Variants in NR3C1 observed in about 807,000 individuals in gnomAD.
NR3C1 encodes glucocorticoid receptor.
NR3C1 carries 14 observed loss-of-function variants against 74.0 expected under a neutral mutation model. The observed-to-expected ratio is 0.19, with a 90% CI of 0.12 to 0.30. The LOEUF (loss-of-function observed/expected upper bound fraction) is 0.30. Ranked by LOEUF, NR3C1 falls within the 10% of genes least tolerant of loss-of-function variation. The probability of loss-of-function intolerance (pLI) is 1.00; values close to 1 mark genes in which losing one functional copy is unlikely to be tolerated. For missense variants in NR3C1, 695 were observed against 909.8 expected, an observed-to-expected ratio of 0.76 and a Z score of 3.04; for synonymous variants, 308 against 332.5, an observed-to-expected ratio of 0.93 and a Z score of 0.80.
At chr5:143,371,572 T>C (rs1465537437) in intron 2 of NR3C1, among the ~76,000 whole-genome samples, 1 of 152,172 alleles carries the variant, frequency 6.6e-6, no homozygotes, top group African/African-American at 2.4e-5. Flanking sequence ...CAAAAAAGTA[T>C]AAAGCAAAAA....
chr5:143,279,404 A>G lies in NR3C1; in HGVS notation c.*2485T>C, dbSNP rs1393020072. ...AGATGTGCTTTCTGGTTTTAACCAC[A>G]TAACATTCTATAAAGGAATGATAAT... On this transcript the variant is annotated 3_prime_UTR_variant, in exon 9 of 9. Transcript: ENST00000394464. 1.3e-6 allele frequency: 2 copies of G among 1,539,548 alleles called. No individual in the cohort carries two copies. The highest frequency in any genetic ancestry group is 2.4e-5 in the East Asian group (1 of 40,876).
chr5:143,280,275 TAATA>T lies in NR3C1; in HGVS notation c.*1610_*1613del, dbSNP rs1368766834. ...TATACAAGCTATTTTACAATCATTTTAATAAATTGCATGTAAAGCTGCAGTAGCC... is the reference window on the plus strand; with the variant it reads ...TATACAAGCTATTTTACAATCATTTTAATTGCATGTAAAGCTGCAGTAGCC... On this transcript the variant is annotated 3_prime_UTR_variant, in exon 9 of 9. Transcript: ENST00000394464. 1 of 152,640 alleles carries T rather than the reference TAATA, an allele frequency of 6.6e-6. No individual in the cohort carries two copies. The highest frequency in any genetic ancestry group is 2.4e-5 in the African/African-American group (1 of 41,456). 9.5% of individuals were successfully genotyped at this position (152,640 alleles called of 1,614,324 possible). A position where few individuals can be genotyped will look rare whatever the true frequency, so the allele number is the denominator to read the frequency against.
intron 2 of NR3C1, among the ~76,000 whole-genome samples, chr5:143,315,736 T>C (rs145897891): frequency 6.6e-4 from 101 of 152,326 alleles, no homozygotes; most frequent in Middle Eastern, 6.8e-3. Context: ...TCAAGTAATG[T>C]AGTTTGTTGC....
rs762597404 is a variant in NR3C1 at position 143,400,491 on chromosome 5, T to C, written c.349A>G (p.Thr117Ala). The C allele has an allele frequency of 3.1e-6, 5 of 1,614,112 alleles. No homozygotes were observed. Among genetic ancestry groups the C allele is most frequent in the Middle Eastern group, 1.6e-4 (1 of 6,084 alleles). ...CTTTCTTCCAAAAGCTTTAAGTCTG[T>C]TTCCCCCGAGGAAAGGCTGATTTGG... ...QGQISLSSGE[T>A]DLKLLEESIA... Residue 117 changes from threonine (T) to alanine (A), a missense_variant, in exon 2 of 9, where the codon ACA becomes GCA. By Grantham distance (58) the Thr-to-Ala change is moderately conservative. Coordinates refer to ENST00000394464, the MANE Select transcript of NR3C1 (RefSeq NM_000176.3).
At chr5:143,359,313 AT>A (rs1831793829) in intron 2 of NR3C1, among the ~76,000 whole-genome samples, 1 of 152,218 alleles carries the variant, frequency 6.6e-6, no homozygotes, top group Non-Finnish European at 1.5e-5. Flanking sequence ...TCCAGTCAGT[AT>A]GGCTTTCTCA....
chr5:143,303,975 G>A lies in NR3C1; in HGVS notation c.1469-3212C>T, dbSNP rs114857730. Among the ~76,000 whole-genome samples the A allele has an allele frequency of 3.6e-3, 541 of 152,072 alleles. 3 individuals are homozygous for A. Among genetic ancestry groups the A allele is most frequent in the Non-Finnish European group, 6.2e-3 (419 of 67,972 alleles). On this transcript the variant is annotated intron_variant, in intron 4 of 8. Transcript: ENST00000394464. The stretch of plus-strand genomic sequence containing the variant: ...CCAACAGCCAACATCATACCAAATG[G>A]GCAAAAGCTGGAAGCATTCCCCTTA...
At chr5:143,283,298 A>G (rs1370833401) in intron 7 of NR3C1, among the ~76,000 whole-genome samples, 2 of 152,252 alleles carry the variant, frequency 1.3e-5, no homozygotes, top group African/African-American at 2.4e-5. Context: ...CCAAGAGAAA[A>G]TGCAGGATAA....
intron 1 of NR3C1, among the ~76,000 whole-genome samples, chr5:143,422,152 T>C (rs1434227949): frequency 1.3e-5 from 2 of 152,224 alleles, no homozygotes; most frequent in African/African-American, 4.8e-5. Context: ...TCCCCATCTT[T>C]ACCTTCCATA....
intron 2 of NR3C1, among the ~76,000 whole-genome samples, chr5:143,315,624 A>G (rs1821916004): frequency 6.6e-6 from 1 of 152,178 alleles, no homozygotes; most frequent in Non-Finnish European, 1.5e-5. Flanking sequence ...TTCAGCCAAT[A>G]ACAGTAGTAA....
Position 143,281,245 on chromosome 5 carries a change from A to AGAGT in NR3C1, c.*640_*643dup. On this transcript the variant is annotated 3_prime_UTR_variant, in exon 9 of 9. Coordinates refer to ENST00000394464, the MANE Select transcript of NR3C1 (RefSeq NM_000176.3). ...TCACACAGATGATTGATTAATGTTT[A>AGAGT]GAGTTTATTTGGGAAAGCTACGAAC... 1 of 150,250 alleles carries AGAGT rather than the reference A, an allele frequency of 6.7e-6. No homozygotes were observed. Among genetic ancestry groups the AGAGT allele is most frequent in the Non-Finnish European group, 1.5e-5 (1 of 67,882 alleles). The allele number at this position is 150,250 out of a possible 1,614,324, so 9.3% of individuals were successfully genotyped here.
At chr5:143,396,230 CT>C (rs1215812148) in intron 2 of NR3C1, among the ~76,000 whole-genome samples, 1 of 151,758 alleles carries the variant, frequency 6.6e-6, no homozygotes, top group African/African-American at 2.4e-5. Flanking sequence ...GTTTTAAAAA[CT>C]TTTTTTACTA....
chr5:143,295,203 T>C, intron 7 of NR3C1: 1 of 985,398 alleles, frequency 1.0e-6, no homozygotes, highest in South Asian at 4.7e-5. Context: ...GAGAAAAAAG[T>C]CTACACAGAT....
intron 2 of NR3C1, among the ~76,000 whole-genome samples, chr5:143,395,950 A>G (rs899279542): frequency 6.6e-6 from 1 of 151,926 alleles, no homozygotes; most frequent in Non-Finnish European, 1.5e-5. Flanking sequence ...TTTGCATTTA[A>G]CCTACATTTA....
rs1179822289 is a variant in NR3C1, at chr5:143,400,046, A to G, written c.794T>C (p.Leu265Ser). ...PKIKDNGDLVLSSPSNVTLPQ... is the reference protein window; with the variant it reads ...PKIKDNGDLVSSSPSNVTLPQ... ...CAGTGTTACATTACTGGGGCTTGAC[A>G]AAACCAGATCTCCATTATCCTTAAT... Residue 265 changes from leucine (L) to serine (S), a missense_variant, in exon 2 of 9, where the codon TTG (leucine) becomes TCG (serine). Leu to Ser is a moderately radical substitution (Grantham distance 145). This residue lies in a region of NR3C1 where 497 missense variants were observed against 489.5 expected (regional missense o/e 1.02). Coordinates refer to ENST00000394464, the MANE Select transcript of NR3C1 (RefSeq NM_000176.3). The G allele has an allele frequency of 1.2e-6, 2 of 1,614,216 alleles. No homozygotes were observed. Among genetic ancestry groups the G allele is most frequent in the Admixed American group, 3.3e-5 (2 of 60,030 alleles).
At chr5:143,368,331 C>CT (rs1317452698) in intron 2 of NR3C1, among the ~76,000 whole-genome samples, 7 of 151,930 alleles carry the variant, frequency 4.6e-5, no homozygotes, top group Admixed American at 3.9e-4. Context: ...GATCAGGCAA[C>CT]TTTTTAAAGA....
At chr5:143,432,933 C>T (rs548823399) in intron 1 of NR3C1, among the ~76,000 whole-genome samples, 4 of 152,278 alleles carry the variant, frequency 2.6e-5, no homozygotes, top group East Asian at 3.9e-4. Flanking sequence ...CCTATTCAAA[C>T]TTCAACTAGC....
At chr5:143,284,640 A>AT (rs909133743) in intron 7 of NR3C1, among the ~76,000 whole-genome samples, 3 of 151,696 alleles carry the variant, frequency 2.0e-5, no homozygotes, top group South Asian at 2.1e-4. Context: ...TCCATCTTAA[A>AT]TTTTTTTTTA....
chr5:143,435,474 AC>A (rs1228462464), exon 1 of NR3C1: 163 of 985,406 alleles, frequency 1.7e-4, no homozygotes, highest in Non-Finnish European at 1.9e-4. Flanking sequence ...AGGAAGAGGT[AC>A]CTTTTGAATG....
Position 143,280,288 on chromosome 5 carries a change from G to A in NR3C1, c.*1601C>T, listed in dbSNP as rs1812898243. On this transcript the variant is annotated 3_prime_UTR_variant, in exon 9 of 9. Transcript: ENST00000394464. Reference sequence around the variant, plus strand: ...TTACAATCATTTTAATAAATTGCATGTAAAGCTGCAGTAGCCCTTCCCTTC... The same window carrying A: ...TTACAATCATTTTAATAAATTGCATATAAAGCTGCAGTAGCCCTTCCCTTC... The A allele has an allele frequency of 1.3e-5, 2 of 152,564 alleles. No homozygotes were observed. Among genetic ancestry groups the A allele is most frequent in the African/African-American group, 4.8e-5 (2 of 41,414 alleles). The allele number at this position is 152,564 out of a possible 1,614,324, so 9.5% of individuals were successfully genotyped here. A position where few individuals can be genotyped will look rare whatever the true frequency, so the allele number is the denominator to read the frequency against.
Sources: allele counts gnomAD v4.1 joint callset (sites outside exome capture counted in the v4.1 genomes callset), GRCh38; gene constraint gnomAD v4.1.1; regional missense constraint gnomAD v4.1.1; transcripts MANE v1.5; gene names NCBI Gene and HGNC (gene_info 2026-07-23, HGNC 2026-07-21).